The following FAM168A variants were observed in gnomAD, a reference collection of about 807,000 sequenced individuals.
FAM168A encodes family with sequence similarity 168 member A.
Under a neutral mutation model 28.5 loss-of-function variants are expected in FAM168A, and 3 were observed. The ratio of observed to expected loss-of-function variants is 0.11; its 90% CI spans 0.05 to 0.27. The LOEUF (loss-of-function observed/expected upper bound fraction) is 0.27. Ranked by LOEUF, FAM168A falls within the 10% of genes least tolerant of loss-of-function variation. The pLI is 1.00. For synonymous variants in FAM168A, 122 were observed against 124.2 expected (o/e 0.98, Z 0.12); for missense variants, 222 against 311.5 (o/e 0.71, Z 2.16).
At chr11:73,466,002 T>A (rs1867730003) in intron 2 of FAM168A, among the ~76,000 whole-genome samples, 2 of 151,972 alleles carry the variant, frequency 1.3e-5, no homozygotes, top group Admixed American at 1.3e-4. Context: ...CACTGTCAAT[T>A]GGCTAGAAGA....
intron 1 of FAM168A, among the ~76,000 whole-genome samples, chr11:73,556,029 T>G (rs1386546736): frequency 6.6e-6 from 1 of 151,952 alleles, no homozygotes; most frequent in East Asian, 1.9e-4. Context: ...CCCAGTGTCA[T>G]GCCAAAGACA....
At chr11:73,593,339 A>G (rs1944403578) in intron 1 of FAM168A, among the ~76,000 whole-genome samples, 1 of 152,172 alleles carries the variant, frequency 6.6e-6, no homozygotes, top group Non-Finnish European at 1.5e-5. Flanking sequence ...ACTTTTATAC[A>G]TATGACATAT....
Position 73,581,933 on chromosome 11 carries a change from G to A in FAM168A, c.-19+15990C>T, listed in dbSNP as rs1944252679. Among the ~76,000 whole-genome samples the A allele has an allele frequency of 2.6e-5, 4 of 151,984 alleles. No homozygotes were observed. The South Asian group carries it at 6.2e-4, about 24-fold the overall frequency. Reference sequence around the variant, plus strand: ...GAGGTTTCACCACGTTGGCCAGGATGGTCTCAAACTCCTGACCTTGTGATC... The same window carrying A: ...GAGGTTTCACCACGTTGGCCAGGATAGTCTCAAACTCCTGACCTTGTGATC... On this transcript the variant is annotated intron_variant, in intron 1 of 7. Coordinates refer to ENST00000356467, the MANE Select transcript of FAM168A (RefSeq NM_015159.3).
At chr11:73,513,187 GTTTTGTTTTTTTTTTTAATTTTTT>G (rs1855259281) in intron 1 of FAM168A, among the ~76,000 whole-genome samples, 1 of 140,140 alleles carries the variant, frequency 7.1e-6, no homozygotes. Context: ...CCAGGTCAAA[GTTTTGTTTTTTTTTTTAATTTTTT>G]TTTTTTTTTT....
rs917538031 is a variant in FAM168A at position 73,450,582 on chromosome 11, C to T, written c.70+17823G>A. ...CAGATGCTGGAAAAGTTTCTCCATC[C>T]GTAAGAAAAGGTTCACTGTATCAGG... On this transcript the variant is annotated intron_variant, in intron 2 of 7. Transcript: ENST00000356467. 4.6e-5 allele frequency among the ~76,000 whole-genome samples: 7 copies of T among 152,130 alleles called. No individual in the cohort carries two copies. In the South Asian group the frequency reaches 6.3e-4, roughly 14 times the overall value.
intron 3 of FAM168A, among the ~76,000 whole-genome samples, chr11:73,424,781 C>T (rs764214194): frequency 8.5e-5 from 13 of 152,138 alleles, no homozygotes; most frequent in South Asian, 2.1e-4. Flanking sequence ...GGTTGAGAGA[C>T]GCCTTTTAGT....
intron 1 of FAM168A, among the ~76,000 whole-genome samples, chr11:73,591,673 A>T (rs1944383497): frequency 6.6e-6 from 1 of 151,998 alleles, no homozygotes; most frequent in African/African-American, 2.4e-5. Context: ...CCACATCCAG[A>T]TAATATTTTT....
intron 1 of FAM168A, among the ~76,000 whole-genome samples, chr11:73,514,533 T>C (rs958751326): frequency 3.9e-5 from 6 of 152,170 alleles, no homozygotes; most frequent in African/African-American, 1.4e-4. Flanking sequence ...TTTATTTGTA[T>C]GTCCAAAATA....
chr11:73,531,232 A>G (rs1170340840), intron 1 of FAM168A, among the ~76,000 whole-genome samples: 2 of 152,186 alleles, frequency 1.3e-5, no homozygotes, highest in African/African-American at 4.8e-5. Flanking sequence ...TTCAAAATAA[A>G]CCTGTAGCCA....
intron 1 of FAM168A, among the ~76,000 whole-genome samples, chr11:73,516,656 A>AT (rs1943308569): frequency 6.6e-6 from 1 of 152,000 alleles, no homozygotes; most frequent in Admixed American, 6.6e-5. Flanking sequence ...TAATATATAT[A>AT]TTTTTTCCAT....
chr11:73,469,422 A>C (rs1227670800), intron 1 of FAM168A, among the ~76,000 whole-genome samples: 4 of 152,288 alleles, frequency 2.6e-5, no homozygotes, highest in African/African-American at 9.6e-5. Flanking sequence ...TAGGTCATTA[A>C]CTTCTCTTGT....
intron 1 of FAM168A, among the ~76,000 whole-genome samples, chr11:73,552,158 G>T (rs761963988): frequency 6.6e-6 from 1 of 152,140 alleles, no homozygotes; most frequent in Non-Finnish European, 1.5e-5. Context: ...CAAGGATTTG[G>T]AATTGGACTA....
intron 1 of FAM168A, among the ~76,000 whole-genome samples, chr11:73,576,840 G>A (rs115856245): frequency 0.01 from 1,537 of 151,968 alleles, 28 homozygotes; most frequent in African/African-American, 0.036. Flanking sequence ...AGAGAGACAA[G>A]AAAATGGCCC....
chr11:73,452,908 A>T (rs1034397361), intron 2 of FAM168A, among the ~76,000 whole-genome samples: 3 of 152,170 alleles, frequency 2.0e-5, no homozygotes, highest in Non-Finnish European at 4.4e-5. Context: ...CAAAAAAAAA[A>T]GTACTGAATA....
intron 1 of FAM168A, among the ~76,000 whole-genome samples, chr11:73,482,228 A>G (rs1446555928): frequency 1.5e-5 from 2 of 133,366 alleles, no homozygotes; most frequent in Non-Finnish European, 3.1e-5. Flanking sequence ...ATACTGAGGC[A>G]TAGAGAAGGG....
At chr11:73,564,641 G>A (rs747975390) in intron 1 of FAM168A, among the ~76,000 whole-genome samples, 3 of 151,422 alleles carry the variant, frequency 2.0e-5, no homozygotes, top group African/African-American at 4.9e-5. Flanking sequence ...TACTCAGGAG[G>A]CTGAGGCAGG....
chr11:73,428,662 T>C (rs1019979617), intron 3 of FAM168A, among the ~76,000 whole-genome samples: 3 of 152,254 alleles, frequency 2.0e-5, no homozygotes, highest in Admixed American at 6.5e-5. Flanking sequence ...GTAGTTAAGA[T>C]AGAACTTACC....
chr11:73,417,444 G>C lies in FAM168A; in HGVS notation c.277+2430C>G, dbSNP rs540584174. On this transcript the variant is annotated intron_variant, in intron 4 of 7. Transcript: ENST00000356467. ...ATATGCGTCTATATCCAGATGTTTA[G>C]ATGTAAGAGAGAACATGTATATCCC... Among the ~76,000 whole-genome samples, 17 of 152,124 alleles carry C rather than the reference G, an allele frequency of 1.1e-4. No homozygotes were observed. In the South Asian group the frequency reaches 3.5e-3, roughly 32 times the overall value.
At chr11:73,499,611 G>T (rs1161586112) in intron 1 of FAM168A, among the ~76,000 whole-genome samples, 1 of 152,084 alleles carries the variant, frequency 6.6e-6, no homozygotes, top group Non-Finnish European at 1.5e-5. Context: ...CCAATGCAAA[G>T]AAGCTAAGAA....
Sources: gnomAD v4.1 joint callset for allele counts (sites outside exome capture counted in the v4.1 genomes callset) on GRCh38, gnomAD v4.1.1 for gene constraint, MANE v1.5 for transcripts, NCBI Gene and HGNC (gene_info 2026-07-23, HGNC 2026-07-21) for gene names.